The following LAMA3 variants were observed in gnomAD, a reference collection of about 807,000 sequenced individuals.
The protein encoded by LAMA3 is laminin subunit alpha-3.
A neutral mutation model predicts 402.0 loss-of-function variants in LAMA3; 281 were observed. The observed-to-expected ratio is 0.70, with a 90% CI of 0.63 to 0.77. The LOEUF (loss-of-function observed/expected upper bound fraction) is 0.77, where lower values mean the gene tolerates loss of function less well. Among genes scored for constraint, LAMA3 ranks in the 30% least tolerant of loss-of-function variants. The pLI is 0.00. For synonymous variants in LAMA3, 1,431 were observed against 1,558.4 expected (o/e 0.92, Z 1.93); for missense variants, 3,840 against 4,215.5 (o/e 0.91, Z 2.47).
At chr18:23,904,830 C>A in intron 51 of LAMA3, 136 bp downstream of exon 51, 2 of 926,494 alleles carry the variant, frequency 2.2e-6, no homozygotes, top group Non-Finnish European at 3.3e-6. Flanking sequence ...ATAGAACTTG[C>A]CCTAGATATG....
intron 40 of LAMA3, 94 bp downstream of exon 40, chr18:23,882,139 A>G: frequency 2.6e-6 from 2 of 771,412 alleles, no homozygotes; most frequent in Non-Finnish European, 4.6e-6. Flanking sequence ...GAGAATGGGA[A>G]GTGATTACCA....
intron 39 of LAMA3, among the ~76,000 whole-genome samples, chr18:23,878,987 C>G (rs909684908): frequency 6.6e-6 from 1 of 151,904 alleles, no homozygotes; most frequent in African/African-American, 2.4e-5. Flanking sequence ...CCTCTCCCCC[C>G]AATTCCCCTT....
chr18:23,919,773 G>A (rs1410319059), intron 60 of LAMA3, among the ~76,000 whole-genome samples: 2 of 151,956 alleles, frequency 1.3e-5, no homozygotes. Context: ...ATGCCACGCA[G>A]CATCTGGTAG....
At chr18:23,817,598 C>A (rs1387119350) in intron 18 of LAMA3, among the ~76,000 whole-genome samples, 1 of 152,124 alleles carries the variant, frequency 6.6e-6, no homozygotes, top group African/African-American at 2.4e-5. Flanking sequence ...GCCTGTAGTC[C>A]TAGCTGCTCA....
chr18:23,722,433 A>G (rs983815846), intron 2 of LAMA3, among the ~76,000 whole-genome samples: 13 of 152,246 alleles, frequency 8.5e-5, no homozygotes, highest in African/African-American at 3.1e-4. Flanking sequence ...GTCCCAGAAT[A>G]TACTGTGTCC....
At position 23,907,857 on chromosome 18, in the gene LAMA3, G is replaced by A; in HGVS notation, c.6937G>A (p.Val2313Met). The change falls in exon 54 of 75, where the codon GTG becomes ATG. Residue 2313 changes from valine to methionine, a missense_variant. This residue lies in a region of LAMA3 where 891 missense variants were observed against 857.5 expected (regional missense o/e 1.04). Transcript: ENST00000313654. ...TGGGCTCAACCCCATCCAGACAGAT[G>A]TGGAAAGAATTAAGGACACCTATGG... ...LDGLNPIQTD[V>M]ERIKDTYGRT... 7 of 1,614,170 alleles carry A rather than the reference G, an allele frequency of 4.3e-6. No homozygotes were observed. Among genetic ancestry groups the A allele is most frequent in the Non-Finnish European group, 5.9e-6 (7 of 1,180,030 alleles).
intron 40 of LAMA3, among the ~76,000 whole-genome samples, chr18:23,884,220 GA>G (rs999060646): frequency 6.6e-6 from 1 of 151,724 alleles, no homozygotes; most frequent in African/African-American, 2.4e-5. Flanking sequence ...AACTTGGTTT[GA>G]AAAAAAAGTG....
rs902506166 is a variant in LAMA3, at chr18:23,918,566, C to T, written c.7923+1871C>T. ...AGTAGCTGAGATTCCTAGGGACCCT[C>T]TAAAATCTATTAGGTTAGAAAAGTC... On this transcript the variant is annotated intron_variant, in intron 60 of 74. Coordinates refer to ENST00000313654, the MANE Select transcript of LAMA3 (RefSeq NM_198129.4). This position sits in a 1 kb window ranked among gnomAD's most constrained non-coding sequence, Gnocchi z 4.1. 6.6e-6 allele frequency among the ~76,000 whole-genome samples: 1 copy of T among 152,190 alleles called. No homozygotes were observed. Among genetic ancestry groups the T allele is most frequent in the South Asian group, 2.1e-4 (1 of 4,834 alleles).
chr18:23,740,531 A>G (rs1486475207), intron 2 of LAMA3, among the ~76,000 whole-genome samples: 1 of 151,740 alleles, frequency 6.6e-6, no homozygotes, highest in African/African-American at 2.4e-5. Flanking sequence ...GTTCTTTTAT[A>G]TTAGAAAGTG....
intron 37 of LAMA3, among the ~76,000 whole-genome samples, chr18:23,870,225 C>A (rs1223666667): frequency 1.3e-5 from 2 of 152,152 alleles, no homozygotes; most frequent in Non-Finnish European, 2.9e-5. Context: ...ATCACTTGAA[C>A]CCGGGAGGCA....
intron 2 of LAMA3, among the ~76,000 whole-genome samples, chr18:23,742,650 ATGTGTG>A (rs141466075): frequency 0.051 from 7,527 of 147,998 alleles, 439 homozygotes; most frequent in Admixed American, 0.17. Context: ...AGAATCAAAA[ATGTGTG>A]TGTGTGTGTG....
At chr18:23,710,844 G>A (rs985650880) in intron 1 of LAMA3, among the ~76,000 whole-genome samples, 27 of 152,000 alleles carry the variant, frequency 1.8e-4, no homozygotes, top group African/African-American at 6.5e-4. Flanking sequence ...TAAATTTTTA[G>A]AATAAATTTT....
chr18:23,718,390 C>A (rs2061148438), intron 2 of LAMA3, among the ~76,000 whole-genome samples: 1 of 147,880 alleles, frequency 6.8e-6, no homozygotes, highest in Non-Finnish European at 1.5e-5. Flanking sequence ...GCAAGCCTGA[C>A]TCATTGTGTT....
At chr18:23,789,754 A>G (rs2062614786) in intron 12 of LAMA3, among the ~76,000 whole-genome samples, 1 of 152,138 alleles carries the variant, frequency 6.6e-6, no homozygotes, top group African/African-American at 2.4e-5. Context: ...AAGTTGCACA[A>G]CTCTGTGAAT....
intron 64 of LAMA3, among the ~76,000 whole-genome samples, chr18:23,930,788 G>A (rs998555292): frequency 2.6e-5 from 4 of 152,206 alleles, no homozygotes; most frequent in South Asian, 4.2e-4. Context: ...TTGTATAGTC[G>A]ATTGAGAAAT....
rs184606420 is a variant in LAMA3 at position 23,872,305 on chromosome 18, T to A, written c.4998+644T>A. ...TTCTAGCTTGCAGCAGGACTCTCGTTGTTTGAGGTCCAGTCAACCAGAGCT... is the reference window on the plus strand; with the variant it reads ...TTCTAGCTTGCAGCAGGACTCTCGTAGTTTGAGGTCCAGTCAACCAGAGCT... On this transcript the variant is annotated intron_variant, in intron 38 of 74. Transcript: ENST00000313654. 2.1e-3 allele frequency among the ~76,000 whole-genome samples: 317 copies of A among 152,290 alleles called. 3 individuals are homozygous for A. The highest frequency in any genetic ancestry group is 3.1e-3 in the Non-Finnish European group (213 of 68,024).
chr18:23,694,678 C>G (rs1210213371), intron 1 of LAMA3, among the ~76,000 whole-genome samples: 2 of 152,218 alleles, frequency 1.3e-5, no homozygotes, highest in African/African-American at 2.4e-5. Context: ...ACCCGCTATA[C>G]TACTGTCACA....
At position 23,915,283 on chromosome 18, in the gene LAMA3, T is replaced by C; in HGVS notation, c.7645-6T>C. 1 of 1,613,282 alleles carries C rather than the reference T, an allele frequency of 6.2e-7. No homozygotes were observed. Among genetic ancestry groups the C allele is most frequent in the Non-Finnish European group, 8.5e-7 (1 of 1,179,686 alleles). ...ATTGGTGGAAGATGTTTTATTTCAT[T>C]TTCAGCTTCCCAGTCGACTAAGTTT... On this transcript the variant is annotated splice_polypyrimidine_tract_variant and splice_region_variant and intron_variant, in intron 58 of 74. Coordinates refer to ENST00000313654, the MANE Select transcript of LAMA3 (RefSeq NM_198129.4).
intron 29 of LAMA3, 107 bp downstream of exon 29, chr18:23,842,857 T>C: frequency 7.1e-7 from 1 of 1,408,988 alleles, no homozygotes; most frequent in Non-Finnish European, 1.0e-6. Context: ...ATTGAAGTCA[T>C]ATTTGTAGAA....
Sources: gnomAD v4.1 joint callset for allele counts (sites outside exome capture counted in the v4.1 genomes callset) on GRCh38, gnomAD v4.1.1 for gene constraint, gnomAD v4.1.1 regional missense constraint, Gnocchi (gnomAD v3.1) non-coding constraint, MANE v1.5 for transcripts, NCBI Gene and HGNC (gene_info 2026-07-23, HGNC 2026-07-21) for gene names.